CDH12: variants seen among roughly 807,000 people sequenced by gnomAD.
CDH12 encodes cadherin 12.
Under a neutral mutation model 74.1 loss-of-function variants are expected in CDH12, and 41 were observed. The observed-to-expected ratio is 0.55, with a 90% confidence interval of 0.43 to 0.72. CDH12 has a LOEUF of 0.72. CDH12 is among the 30% of genes least tolerant of loss of function. CDH12 has a pLI of 0.00. For missense variants in CDH12, 945 were observed against 977.2 expected (o/e 0.97, Z 0.44); for synonymous variants, 399 against 355.0 (o/e 1.12, Z -1.39).
At chr5:22,710,925 T>TAA (rs1743254436) in intron 1 of CDH12, among the ~76,000 whole-genome samples, 2 of 152,132 alleles carry the variant, frequency 1.3e-5, no homozygotes, top group African/African-American at 4.8e-5. Context: ...GCACAATTAT[T>TAA]TGTATATGTC....
chr5:21,842,057 A>T, intron 8 of CDH12, 104 bp downstream of exon 8: 1 of 878,750 alleles, frequency 1.1e-6, no homozygotes, highest in Non-Finnish European at 1.8e-6. Flanking sequence ...TGCTTCCTAA[A>T]GACTAAGTGT....
intron 5 of CDH12, among the ~76,000 whole-genome samples, chr5:21,988,271 C>G (rs1342645241): frequency 6.6e-6 from 1 of 151,890 alleles, no homozygotes; most frequent in Non-Finnish European, 1.5e-5. Flanking sequence ...GTGGGCGGAT[C>G]ACTTGAGGTC....
intron 2 of CDH12, among the ~76,000 whole-genome samples, chr5:22,431,560 A>G (rs1744173153): frequency 6.6e-6 from 1 of 152,214 alleles, no homozygotes; most frequent in Non-Finnish European, 1.5e-5. Context: ...CTTATTAAAA[A>G]ATTAGTTTAC....
At chr5:22,792,968 A>G (rs1661982) in intron 1 of CDH12, among the ~76,000 whole-genome samples, 28,381 of 152,210 alleles carry the variant, frequency 0.19, 3,196 homozygotes, top group African/African-American at 0.31. Context: ...TTCACTTTCC[A>G]GGTTGTCATT....
intron 5 of CDH12, among the ~76,000 whole-genome samples, chr5:22,008,513 G>A (rs907421628): frequency 1.2e-4 from 19 of 152,264 alleles, no homozygotes; most frequent in Middle Eastern, 3.4e-3. Context: ...ACAGGCGTGA[G>A]CCACTGCACC....
At chr5:22,521,003 G>C (rs1004590291) in intron 1 of CDH12, among the ~76,000 whole-genome samples, 8 of 135,544 alleles carry the variant, frequency 5.9e-5, no homozygotes, top group African/African-American at 2.2e-4. Context: ...TTTTTTTTTT[G>C]TCTTAGTAAA....
intron 3 of CDH12, among the ~76,000 whole-genome samples, chr5:22,399,247 G>A (rs1742606348): frequency 6.6e-6 from 1 of 150,754 alleles, no homozygotes; most frequent in African/African-American, 2.4e-5. Flanking sequence ...ATCTAAACAA[G>A]TAGTGTAACA....
intron 1 of CDH12, among the ~76,000 whole-genome samples, chr5:22,845,341 C>T (rs1015283125): frequency 1.4e-4 from 22 of 152,094 alleles, no homozygotes; most frequent in African/African-American, 5.1e-4. Context: ...CTATAATTCA[C>T]GAGTATGTCT....
At chr5:21,806,727 A>G (rs1747446878) in intron 9 of CDH12, among the ~76,000 whole-genome samples, 1 of 152,166 alleles carries the variant, frequency 6.6e-6, no homozygotes, top group African/African-American at 2.4e-5. Context: ...CACACTGAAA[A>G]CACCTTTGCA....
At chr5:22,165,222 C>G (rs759049775) in intron 4 of CDH12, among the ~76,000 whole-genome samples, 1 of 152,142 alleles carries the variant, frequency 6.6e-6, no homozygotes, top group Non-Finnish European at 1.5e-5. Context: ...ACAATGGCCC[C>G]GAAAGCCCCA....
At chr5:21,852,300 T>C (rs1006516721) in intron 7 of CDH12, among the ~76,000 whole-genome samples, 2 of 151,300 alleles carry the variant, frequency 1.3e-5, no homozygotes, top group African/African-American at 2.4e-5. Flanking sequence ...ATCTATTACA[T>C]AGCTTACGAC....
chr5:22,790,723 A>T (rs972426945), intron 1 of CDH12, among the ~76,000 whole-genome samples: 1 of 152,184 alleles, frequency 6.6e-6, no homozygotes, highest in East Asian at 1.9e-4. Flanking sequence ...GTACCCAAAC[A>T]TATTTTGTTT....
At chr5:22,816,337 A>G (rs1749392892) in intron 1 of CDH12, among the ~76,000 whole-genome samples, 1 of 152,308 alleles carries the variant, frequency 6.6e-6, no homozygotes, top group East Asian at 1.9e-4. Context: ...ACCAAGGGCT[A>G]GTCCGTAAAG....
intron 4 of CDH12, among the ~76,000 whole-genome samples, chr5:22,113,219 T>C (rs1355534189): frequency 1.3e-5 from 2 of 152,142 alleles, no homozygotes; most frequent in Non-Finnish European, 2.9e-5. Flanking sequence ...CTTTGCCATA[T>C]CTTGAAATCG....
intron 4 of CDH12, among the ~76,000 whole-genome samples, chr5:22,112,975 T>C (rs1744897723): frequency 6.6e-6 from 1 of 152,088 alleles, no homozygotes; most frequent in South Asian, 2.1e-4. Flanking sequence ...TCAAGCATGG[T>C]CGTAGTTATT....
intron 1 of CDH12, among the ~76,000 whole-genome samples, chr5:22,800,538 T>C (rs1158161268): frequency 2.0e-5 from 3 of 152,162 alleles, no homozygotes; most frequent in Admixed American, 6.5e-5. Flanking sequence ...TTACAATTGA[T>C]GAACTGCATT....
chr5:21,800,651 AAGTCATCC>A (rs1439909512), intron 10 of CDH12, among the ~76,000 whole-genome samples: 11 of 152,128 alleles, frequency 7.2e-5, no homozygotes, highest in African/African-American at 2.7e-4. Flanking sequence ...TTTGTTACTT[AAGTCATCC>A]AGTGATATGG....
chr5:22,567,727 T>C (rs1739357200), intron 1 of CDH12, among the ~76,000 whole-genome samples: 1 of 152,244 alleles, frequency 6.6e-6, no homozygotes, highest in Non-Finnish European at 1.5e-5. Flanking sequence ...TTTGGCATCA[T>C]TGATTGAGTA....
intron 3 of CDH12, among the ~76,000 whole-genome samples, chr5:22,301,994 T>C (rs190587921): frequency 1.3e-3 from 177 of 137,850 alleles, no homozygotes; most frequent in African/African-American, 4.5e-3. Flanking sequence ...AACATATAGG[T>C]ACATATATAT....
Sources: allele counts gnomAD v4.1 joint callset (sites outside exome capture counted in the v4.1 genomes callset), GRCh38; gene constraint gnomAD v4.1.1; transcripts MANE v1.5; gene names NCBI Gene and HGNC (gene_info 2026-07-23, HGNC 2026-07-21).